CARMIL1: variants seen among roughly 807,000 people sequenced by gnomAD.
CARMIL1 encodes F-actin-uncapping protein LRRC16A.
In CARMIL1, 90 loss-of-function variants were observed where a neutral mutation model predicts 177.1. The ratio of observed to expected loss-of-function variants is 0.51; its 90% confidence interval spans 0.43 to 0.61. CARMIL1 has a LOEUF of 0.61. Ranked by LOEUF, CARMIL1 falls within the 20% of genes least tolerant of loss-of-function variation. The probability of loss-of-function intolerance (pLI) is 0.00; values close to 1 mark genes in which losing one functional copy is unlikely to be tolerated. For missense variants in CARMIL1, 1,380 were observed against 1,667.0 expected, an observed-to-expected ratio of 0.83 and a Z score of 3.00; for synonymous variants, 577 against 606.2, an observed-to-expected ratio of 0.95 and a Z score of 0.71.
intron 8 of CARMIL1, among the ~76,000 whole-genome samples, chr6:25,456,048 C>T (rs1363363000): frequency 6.6e-6 from 1 of 152,172 alleles, no homozygotes; most frequent in Non-Finnish European, 1.5e-5. Context: ...CTTCTTCAGA[C>T]ATAGGCCCCG....
intron 2 of CARMIL1, among the ~76,000 whole-genome samples, chr6:25,286,648 G>C (rs1044710215): frequency 2.5e-4 from 38 of 152,140 alleles, no homozygotes; most frequent in Admixed American, 1.4e-3. Context: ...TAATAATGTA[G>C]TAACTTTATA....
intron 2 of CARMIL1, among the ~76,000 whole-genome samples, chr6:25,349,998 A>G (rs905172884): frequency 2.0e-5 from 3 of 152,036 alleles, no homozygotes; most frequent in African/African-American, 7.2e-5. Context: ...AAGTGCTGGG[A>G]TTACAGGTGT....
chr6:25,306,918 G>C (rs922872895), intron 2 of CARMIL1, among the ~76,000 whole-genome samples: 1 of 132,532 alleles, frequency 7.5e-6, no homozygotes, highest in Non-Finnish European at 1.5e-5. Context: ...CATTCTTGTC[G>C]CCTGGGCTGG....
At chr6:25,483,913 G>A (rs536616524) in intron 12 of CARMIL1, among the ~76,000 whole-genome samples, 34 of 151,998 alleles carry the variant, frequency 2.2e-4, no homozygotes, top group Admixed American at 8.5e-4. Flanking sequence ...GACCACAAGC[G>A]TGCACTACCA....
At chr6:25,434,094 G>A (rs997409668) in intron 4 of CARMIL1, among the ~76,000 whole-genome samples, 3 of 152,128 alleles carry the variant, frequency 2.0e-5, no homozygotes, top group Non-Finnish European at 4.4e-5. Context: ...GGAAGATGGG[G>A]TTTTGCTATG....
intron 2 of CARMIL1, among the ~76,000 whole-genome samples, chr6:25,402,423 G>A (rs558734285): frequency 2.0e-5 from 3 of 152,146 alleles, no homozygotes; most frequent in Non-Finnish European, 4.4e-5. Flanking sequence ...GCCAGCTACT[G>A]TTTCTTTTCA....
chr6:25,313,726 A>G (rs555156620), intron 2 of CARMIL1, among the ~76,000 whole-genome samples: 10 of 136,946 alleles, frequency 7.3e-5, no homozygotes, highest in South Asian at 5.0e-4. Context: ...TGGTGTATTT[A>G]AAAAAATTGG....
Position 25,311,200 on chromosome 6 carries a change from A to G in CARMIL1, c.138+26291A>G, listed in dbSNP as rs75315538. Among the ~76,000 whole-genome samples, 1,253 of 152,156 alleles carry G rather than the reference A, an allele frequency of 8.2e-3. 5 individuals are homozygous for G. The highest frequency in any genetic ancestry group is 0.012 in the Non-Finnish European group (808 of 67,994). On this transcript the variant is annotated intron_variant, in intron 2 of 36. Transcript: ENST00000329474. The stretch of plus-strand genomic sequence containing the variant: ...CTTGTCTCAAAACAAAACAAAACAC[A>G]AAAAAAACCATGACGGGTTGAACGC...
chr6:25,360,270 G>C (rs1012657869), intron 2 of CARMIL1, among the ~76,000 whole-genome samples: 1 of 152,176 alleles, frequency 6.6e-6, no homozygotes, highest in South Asian at 2.1e-4. Flanking sequence ...ACTATTTCTT[G>C]TATGTATGAG....
Position 25,544,404 on chromosome 6 carries a change from T to A in CARMIL1, c.2328+4326T>A, listed in dbSNP as rs540129343. Among the ~76,000 whole-genome samples the A allele has an allele frequency of 7.1e-3, 1,075 of 151,814 alleles. 8 individuals are homozygous for A. The highest frequency in any genetic ancestry group is 0.024 in the African/African-American group (1,006 of 41,426). ...GGCAGGCAGGGAGAGGCTCTTTTTT[T>A]AAAAAAAGACCGATATTAACACTGA... On this transcript the variant is annotated intron_variant, in intron 26 of 36. Coordinates refer to ENST00000329474, the MANE Select transcript of CARMIL1 (RefSeq NM_017640.6).
intron 2 of CARMIL1, among the ~76,000 whole-genome samples, chr6:25,374,859 A>G (rs983019563): frequency 1.5e-4 from 23 of 151,940 alleles, no homozygotes; most frequent in African/African-American, 5.6e-4. Context: ...TTTGGTTCTC[A>G]TTTACATGGA....
chr6:25,368,479 C>T (rs536946537), intron 2 of CARMIL1, among the ~76,000 whole-genome samples: 1 of 152,308 alleles, frequency 6.6e-6, no homozygotes, highest in East Asian at 1.9e-4. Context: ...CAGCTAACAC[C>T]TCCTGATAAG....
intron 23 of CARMIL1, among the ~76,000 whole-genome samples, chr6:25,527,397 C>T (rs893468024): frequency 1.3e-5 from 2 of 152,152 alleles, no homozygotes; most frequent in African/African-American, 4.8e-5. Flanking sequence ...GATGCACTGC[C>T]TGTGTGTGAG....
chr6:25,509,830 G>C lies in CARMIL1; in HGVS notation c.1477+93G>C, dbSNP rs4559085. 337,118 of 840,148 alleles carry C rather than the reference G, an allele frequency of 0.4. 71,270 individuals carry two copies. The highest frequency in any genetic ancestry group is 0.55 in the Middle Eastern group (2,294 of 4,204). The allele number at this position is 840,148 out of a possible 1,614,324, so 52.0% of individuals were successfully genotyped here. A position where few individuals can be genotyped will look rare whatever the true frequency, so the allele number is the denominator to read the frequency against. ...ATCTTCTACCCAAATCCAAACAATA[G>C]CTTAATAAAAAAATTGTTTTTTATT... On this transcript the variant is annotated intron_variant, in intron 18 of 36. Transcript: ENST00000329474. This position sits in a 1 kb window ranked among gnomAD's most constrained non-coding sequence, Gnocchi z 4.1.
chr6:25,616,511 C>T (rs895051639), intron 36 of CARMIL1, among the ~76,000 whole-genome samples: 1 of 152,148 alleles, frequency 6.6e-6, no homozygotes, highest in Non-Finnish European at 1.5e-5. Flanking sequence ...GAGTTTGAGG[C>T]TACAGTGAGC....
At chr6:25,337,764 T>C (rs188707689) in intron 2 of CARMIL1, among the ~76,000 whole-genome samples, 3 of 152,372 alleles carry the variant, frequency 2.0e-5, no homozygotes, top group Admixed American at 6.5e-5. Context: ...AAATGTTCTC[T>C]TAACAAAGAA....
chr6:25,489,159 C>T (rs1369766476), intron 13 of CARMIL1, among the ~76,000 whole-genome samples: 1 of 95,178 alleles, frequency 1.1e-5, no homozygotes, highest in Admixed American at 1.3e-4. Flanking sequence ...TGTGAGTCTC[C>T]GTATCAAACA....
chr6:25,477,116 ACAAC>A (rs1801649076), intron 11 of CARMIL1, among the ~76,000 whole-genome samples: 1 of 150,896 alleles, frequency 6.6e-6, no homozygotes, highest in African/African-American at 2.5e-5. Context: ...AAAACAAACA[ACAAC>A]AAAAAAAAAA....
chr6:25,585,010 CA>C (rs1304671584), intron 31 of CARMIL1, among the ~76,000 whole-genome samples: 1 of 152,082 alleles, frequency 6.6e-6, no homozygotes, highest in Non-Finnish European at 1.5e-5. Context: ...AGGTAAGTCC[CA>C]AAATAATGCA....
Sources: gnomAD v4.1 joint callset for allele counts (sites outside exome capture counted in the v4.1 genomes callset) on GRCh38, gnomAD v4.1.1 for gene constraint, Gnocchi (gnomAD v3.1) non-coding constraint, MANE v1.5 for transcripts, NCBI Gene and HGNC (gene_info 2026-07-23, HGNC 2026-07-21) for gene names.